The following ADK variants were observed in gnomAD, a reference collection of about 807,000 sequenced individuals.
ADK encodes the protein N6,N6-dimethyladenosine kinase.
A neutral mutation model predicts 44.7 loss-of-function variants in ADK; 24 were observed. That is an observed-to-expected ratio of 0.54 (90% CI 0.39 to 0.76). ADK has a LOEUF of 0.76. Among genes scored for constraint, ADK ranks in the 30% least tolerant of loss-of-function variants. ADK has a pLI of 0.00. For missense variants in ADK, 321 were observed against 425.1 expected (o/e 0.76, Z 2.15); for synonymous variants, 128 against 142.6 (o/e 0.90, Z 0.73).
chr10:74,479,399 T>C (rs562450928), intron 6 of ADK, among the ~76,000 whole-genome samples: 1 of 151,474 alleles, frequency 6.6e-6, no homozygotes, highest in East Asian at 1.9e-4. Context: ...TTGTTGGTTT[T>C]TTTTTTTTTT....
intron 6 of ADK, among the ~76,000 whole-genome samples, chr10:74,467,006 T>C (rs1350166677): frequency 6.6e-6 from 1 of 152,216 alleles, no homozygotes; most frequent in African/African-American, 2.4e-5. Context: ...CATGTATATA[T>C]GTATCTTAAA....
intron 4 of ADK, among the ~76,000 whole-genome samples, chr10:74,374,093 A>G (rs1371147404): frequency 6.6e-6 from 1 of 152,156 alleles, no homozygotes; most frequent in Non-Finnish European, 1.5e-5. Flanking sequence ...ATTTTTAGAG[A>G]CAGAAAATAA....
chr10:74,215,349 G>A (rs1162619624), intron 2 of ADK, among the ~76,000 whole-genome samples: 1 of 152,188 alleles, frequency 6.6e-6, no homozygotes, highest in Non-Finnish European at 1.5e-5. Context: ...AGGCTCTGTC[G>A]CCTAGGTTGG....
At chr10:74,378,064 T>C (rs891760023) in intron 4 of ADK, among the ~76,000 whole-genome samples, 4 of 151,642 alleles carry the variant, frequency 2.6e-5, no homozygotes, top group Non-Finnish European at 5.9e-5. Context: ...TTTTTTTTTT[T>C]TAATCTATGA....
chr10:74,511,186 A>G (rs570515248), intron 6 of ADK, among the ~76,000 whole-genome samples: 5 of 152,096 alleles, frequency 3.3e-5, no homozygotes, highest in Non-Finnish European at 7.4e-5. Context: ...ATGTGGATAA[A>G]TTTCTGGGTT....
Position 74,554,835 on chromosome 10 carries a change from A to G in ADK, c.726+29409A>G, listed in dbSNP as rs139241048. ...GAAGCAGTGTTTTCTTTCCCACAGA[A>G]TATCGTTCTTCATTTATTTATAAAA... On this transcript the variant is annotated intron_variant, in intron 7 of 10. Transcript: ENST00000539909. Among the ~76,000 whole-genome samples the G allele has an allele frequency of 2.0e-3, 308 of 152,124 alleles. 3 individuals are homozygous for G. Among genetic ancestry groups the G allele is most frequent in the African/African-American group, 6.3e-3 (262 of 41,500 alleles).
At chr10:74,338,249 A>G (rs1420420027) in intron 4 of ADK, among the ~76,000 whole-genome samples, 1 of 152,248 alleles carries the variant, frequency 6.6e-6, no homozygotes, top group African/African-American at 2.4e-5. Context: ...ATACTGCTGC[A>G]TACATATGTG....
At chr10:74,277,872 C>G (rs965774220) in intron 3 of ADK, among the ~76,000 whole-genome samples, 1 of 152,020 alleles carries the variant, frequency 6.6e-6, no homozygotes, top group Non-Finnish European at 1.5e-5. Context: ...TACATGACTA[C>G]TTTTGTAATG....
intron 6 of ADK, among the ~76,000 whole-genome samples, chr10:74,438,119 T>G (rs1845248582): frequency 6.6e-6 from 1 of 152,152 alleles, no homozygotes; most frequent in Non-Finnish European, 1.5e-5. Context: ...AACCCCCACC[T>G]TATATAACCA....
intron 6 of ADK, among the ~76,000 whole-genome samples, chr10:74,451,153 A>G (rs1375468659): frequency 8.0e-6 from 1 of 124,248 alleles, no homozygotes; most frequent in Admixed American, 9.3e-5. Context: ...TTTTTATTTC[A>G]TGATTTTTTT....
chr10:74,698,196 G>T (rs1856274777), intron 10 of ADK, among the ~76,000 whole-genome samples: 1 of 152,184 alleles, frequency 6.6e-6, no homozygotes. Context: ...GAGAGGCCCA[G>T]GTTGATACGC....
At chr10:74,435,471 A>G (rs1845151461) in intron 6 of ADK, among the ~76,000 whole-genome samples, 4 of 152,200 alleles carry the variant, frequency 2.6e-5, no homozygotes, top group South Asian at 2.1e-4. Flanking sequence ...GTTCTATGCT[A>G]TAACTACTAT....
In ADK at chr10:74,356,002, A is replaced by ATTTTGGTTT. The variant is rs772603788; in HGVS notation, c.274-38135_274-38134insGGTTTTTTT. On this transcript the variant is annotated intron_variant, in intron 4 of 10. Coordinates refer to ENST00000539909, the MANE Select transcript of ADK (RefSeq NM_006721.4). ...TCTGAAATATTTCACTAAATAATTC[A>ATTTTGGTTT]TTTTTTTTTTTTTTTTTTTTTTTTT... Among the ~76,000 whole-genome samples, 11 of 83,302 alleles carry ATTTTGGTTT rather than the reference A, an allele frequency of 1.3e-4. 2 individuals carry two copies. Among genetic ancestry groups the ATTTTGGTTT allele is most frequent in the South Asian group, 4.6e-4 (1 of 2,182 alleles). 54.6% of individuals were successfully genotyped at this position (83,302 alleles called of 152,430 possible). A position where few individuals can be genotyped will look rare whatever the true frequency, so the allele number is the denominator to read the frequency against.
intron 2 of ADK, among the ~76,000 whole-genome samples, chr10:74,206,782 A>G (rs1172261706): frequency 1.3e-5 from 2 of 152,172 alleles, no homozygotes; most frequent in Non-Finnish European, 2.9e-5. Flanking sequence ...CACTGTTTTT[A>G]AAATTTCAGG....
In ADK at chr10:74,695,619, G is replaced by GGGGGT. The variant is rs1480624866; in HGVS notation, c.965-12701_965-12700insGGGTG. ...TTTTACAATTCCTGTGTATGTGTGG[G>GGGGGT]GTGTGTGTGTGTGTGTGTGTGTGTG... On this transcript the variant is annotated intron_variant, in intron 10 of 10. Coordinates refer to ENST00000539909, the MANE Select transcript of ADK (RefSeq NM_006721.4). 1.0e-4 allele frequency among the ~76,000 whole-genome samples: 9 copies of GGGGGT among 90,072 alleles called. No homozygotes were observed. The East Asian group carries it at 1.1e-3, about 11-fold the overall frequency. The allele number at this position is 90,072 out of a possible 152,430, so 59.1% of individuals were successfully genotyped here.
chr10:74,687,879 C>T, intron 10 of ADK, among the ~76,000 whole-genome samples: 1 of 152,192 alleles, frequency 6.6e-6, no homozygotes, highest in East Asian at 1.9e-4. Context: ...TGCCTTCACT[C>T]TTTCTGGAAC....
rs1855223865 is a variant in ADK, at chr10:74,672,417, G to A, written c.964+2148G>A. On this transcript the variant is annotated intron_variant, in intron 10 of 10. Coordinates refer to ENST00000539909, the MANE Select transcript of ADK (RefSeq NM_006721.4). ...TTGCCAAACCCTCTTTAAATCATGGGCAGCTTCCTCACTTTATTCATTTCT... is the reference window on the plus strand; with the variant it reads ...TTGCCAAACCCTCTTTAAATCATGGACAGCTTCCTCACTTTATTCATTTCT... 1.3e-5 allele frequency among the ~76,000 whole-genome samples: 2 copies of A among 152,152 alleles called. 1 individual carries two copies. The highest frequency in any genetic ancestry group is 4.1e-4 in the South Asian group (2 of 4,832).
chr10:74,268,755 A>G (rs773745521), intron 3 of ADK, among the ~76,000 whole-genome samples: 5 of 152,202 alleles, frequency 3.3e-5, no homozygotes, highest in African/African-American at 1.2e-4. Flanking sequence ...CAGTGCTGAA[A>G]ATGACAGTTG....
At chr10:74,250,308 G>A (rs1410241866) in intron 3 of ADK, among the ~76,000 whole-genome samples, 1 of 152,146 alleles carries the variant, frequency 6.6e-6, no homozygotes, top group African/African-American at 2.4e-5. Context: ...AGAAATAGTC[G>A]GGTATAGGGA....
Sources: gnomAD v4.1 joint callset for allele counts (sites outside exome capture counted in the v4.1 genomes callset) on GRCh38, gnomAD v4.1.1 for gene constraint, MANE v1.5 for transcripts, NCBI Gene and HGNC (gene_info 2026-07-23, HGNC 2026-07-21) for gene names.